SERPINI2: variants seen among roughly 807,000 people sequenced by gnomAD.
SERPINI2 encodes serpin I2.
In SERPINI2, 48 loss-of-function variants were observed where a neutral mutation model predicts 47.3. The observed-to-expected ratio is 1.02, with a 90% CI of 0.81 to 1.29. The LOEUF is 1.29. Among genes scored for constraint, SERPINI2 ranks in the 50% most tolerant of loss-of-function variants. SERPINI2 has a pLI of 0.00. For missense variants in SERPINI2, 448 were observed against 456.9 expected (o/e 0.98, Z 0.18); for synonymous variants, 135 against 149.3 (o/e 0.90, Z 0.70).
chr3:167,456,392 C>T (rs1749793308), intron 5 of SERPINI2, among the ~76,000 whole-genome samples: 1 of 152,106 alleles, frequency 6.6e-6, no homozygotes, highest in Non-Finnish European at 1.5e-5. Flanking sequence ...TTTTCCTTGC[C>T]TTCCTGCCAC....
chr3:167,453,258 A>T (rs1749691724), intron 5 of SERPINI2, among the ~76,000 whole-genome samples: 1 of 151,296 alleles, frequency 6.6e-6, no homozygotes, highest in African/African-American at 2.5e-5. Context: ...AAGAGGGAAC[A>T]GAAATTGCAT....
chr3:167,459,585 G>A (rs1393078915), intron 5 of SERPINI2, among the ~76,000 whole-genome samples: 4 of 151,776 alleles, frequency 2.6e-5, no homozygotes, highest in African/African-American at 9.7e-5. Context: ...ACAAAAGAGG[G>A]AAAGGAGAAG....
intron 3 of SERPINI2, among the ~76,000 whole-genome samples, chr3:167,466,699 G>A (rs1294027376): frequency 6.6e-6 from 1 of 152,016 alleles, no homozygotes; most frequent in African/African-American, 2.4e-5. Flanking sequence ...GGGAAAGAAG[G>A]CATTTGGGAT....
intron 6 of SERPINI2, among the ~76,000 whole-genome samples, chr3:167,452,342 A>G (rs769221042): frequency 1.2e-4 from 18 of 152,200 alleles, no homozygotes; most frequent in Non-Finnish European, 2.4e-4. Context: ...TTCAAAGACT[A>G]TCTTGGCTTT....
intron 5 of SERPINI2, among the ~76,000 whole-genome samples, chr3:167,456,316 T>G (rs530594089): frequency 4.8e-4 from 73 of 152,316 alleles, no homozygotes; most frequent in Middle Eastern, 3.4e-3. Flanking sequence ...TAGGTCAAAG[T>G]AAACGAACAT....
intron 3 of SERPINI2, 60 bp from the exon 4 acceptor site, chr3:167,465,733 G>T (rs1242628771): frequency 2.1e-6 from 3 of 1,412,318 alleles, no homozygotes; most frequent in Admixed American, 2.3e-5. Flanking sequence ...CAGTGGAATT[G>T]CTTTGAATAG....
chr3:167,459,022 C>T (rs889213976), intron 5 of SERPINI2, among the ~76,000 whole-genome samples: 9 of 151,492 alleles, frequency 5.9e-5, no homozygotes, highest in African/African-American at 2.2e-4. Context: ...AGAGAAGAAT[C>T]TGGCGGCGTA....
intron 5 of SERPINI2, among the ~76,000 whole-genome samples, chr3:167,463,760 G>C (rs1014278713): frequency 6.6e-6 from 1 of 152,120 alleles, no homozygotes; most frequent in African/African-American, 2.4e-5. Context: ...TTTACCTGAT[G>C]ATAGGTTTTC....
chr3:167,456,997 A>G (rs139883017), intron 5 of SERPINI2, among the ~76,000 whole-genome samples: 9 of 152,326 alleles, frequency 5.9e-5, no homozygotes, highest in African/African-American at 2.2e-4. Context: ...GCTTAAAGTT[A>G]TATAGTAAGA....
intron 5 of SERPINI2, among the ~76,000 whole-genome samples, chr3:167,455,827 G>GGGGCT: frequency 6.6e-6 from 1 of 152,044 alleles, no homozygotes; most frequent in Admixed American, 6.6e-5. Context: ...GAAACAGGGG[G>GGGGCT]CAGGGGCTAC....
intron 5 of SERPINI2, among the ~76,000 whole-genome samples, chr3:167,458,181 G>A (rs1164942404): frequency 9.9e-6 from 1 of 100,670 alleles, no homozygotes; most frequent in Non-Finnish European, 2.0e-5. Context: ...ACCTTCTAAT[G>A]CTTACTTATA....
chr3:167,445,722 C>T (rs1749460245), intron 8 of SERPINI2, among the ~76,000 whole-genome samples: 1 of 152,140 alleles, frequency 6.6e-6, no homozygotes, highest in Non-Finnish European at 1.5e-5. Flanking sequence ...ACAATTTTCC[C>T]ACTGTATTCA....
At chr3:167,452,911 A>C in intron 6 of SERPINI2, 25 bp downstream of exon 6, 1 of 1,407,200 alleles carries the variant, frequency 7.1e-7, no homozygotes, top group Middle Eastern at 1.8e-4. Context: ...TAACATCATA[A>C]TATAAGAATT....
chr3:167,446,392 C>A lies in SERPINI2; in HGVS notation c.1141G>T (p.Glu381Ter). ...CCCAAATAATTCTCAAAAAAGGTAC[C>A]TGTTGGATTATGCTTCATAATAAAC... The change falls in exon 8 of 9, where the codon GAA becomes TAA. Residue 381 changes from glutamate to a stop codon, truncating the protein, a stop_gained and splice_region_variant. Coordinates refer to ENST00000264677, the Ensembl canonical transcript of SERPINI2. LOFTEE classifies it high-confidence loss of function. 1 of 1,592,196 alleles carries A rather than the reference C, an allele frequency of 6.3e-7. No individual in the cohort carries two copies. The highest frequency in any genetic ancestry group is 1.1e-5 in the South Asian group (1 of 88,480).
In SERPINI2 at chr3:167,465,679, A is replaced by T. The variant is rs754644574; in HGVS notation, c.479-6T>A. On this transcript the variant is annotated splice_region_variant and splice_polypyrimidine_tract_variant and intron_variant, in intron 3 of 8. Transcript: ENST00000264677. ...AAACATGTCTTTAATTTTTCCTAGG[A>T]AGTGGGTGGAGGAGGAGGTAAGAAG... is the stretch of plus-strand genomic sequence containing the variant. The T allele has an allele frequency of 1.6e-5, 26 of 1,604,140 alleles. No individual in the cohort carries two copies. The highest frequency in any genetic ancestry group is 2.2e-5 in the Non-Finnish European group (26 of 1,177,000).
At chr3:167,462,332 G>GT (rs1429445980) in intron 5 of SERPINI2, among the ~76,000 whole-genome samples, 1 of 152,192 alleles carries the variant, frequency 6.6e-6, no homozygotes, top group Non-Finnish European at 1.5e-5. Context: ...TTGTCTCACA[G>GT]TTGCAGAGGC....
At chr3:167,453,056 AAG>A (rs758874002) in intron 5 of SERPINI2, 23 bp from the exon 6 acceptor site, 5 of 1,394,524 alleles carry the variant, frequency 3.6e-6, no homozygotes, top group Admixed American at 2.2e-5. Flanking sequence ...AAAAAAGAAA[AAG>A]AAAAGTCTTG....
chr3:167,456,790 G>A (rs1418784868), intron 5 of SERPINI2, among the ~76,000 whole-genome samples: 1 of 152,072 alleles, frequency 6.6e-6, no homozygotes, highest in Non-Finnish European at 1.5e-5. Context: ...ATGATGGGGG[G>A]CCACCTATTA....
intron 6 of SERPINI2, among the ~76,000 whole-genome samples, chr3:167,451,122 T>TA (rs1749629065): frequency 6.6e-6 from 1 of 152,236 alleles, no homozygotes; most frequent in Admixed American, 6.5e-5. Context: ...GTTTTATATT[T>TA]AACTATGTGC....
Sources: allele counts gnomAD v4.1 joint callset (sites outside exome capture counted in the v4.1 genomes callset), GRCh38; gene constraint gnomAD v4.1.1; transcripts MANE v1.5; gene names NCBI Gene and HGNC (gene_info 2026-07-23, HGNC 2026-07-21).